GBF1: variants seen among roughly 807,000 people sequenced by gnomAD.
GBF1 encodes the protein Golgi-specific brefeldin A-resistance guanine nucleotide exchange factor 1.
GBF1 carries 114 observed loss-of-function variants against 210.5 expected under a neutral mutation model. The ratio of observed to expected loss-of-function variants is 0.54; its 90% CI spans 0.47 to 0.63. GBF1 has a LOEUF of 0.63. GBF1 is among the 30% of genes least tolerant of loss of function. GBF1 has a pLI of 0.00. For synonymous variants in GBF1, 850 were observed against 889.2 expected, an observed-to-expected ratio of 0.96 and a Z score of 0.78; for missense variants, 1,851 against 2,357.7, an observed-to-expected ratio of 0.79 and a Z score of 4.45.
rs766754616 is a variant in GBF1, at chr10:102,252,762, G to T, written c.-10-6167G>T. Among the ~76,000 whole-genome samples, 3 of 151,816 alleles carry T rather than the reference G, an allele frequency of 2.0e-5. No homozygotes were observed. The East Asian group carries it at 5.8e-4, about 29-fold the overall frequency. On this transcript the variant is annotated intron_variant, in intron 1 of 39. Coordinates refer to ENST00000369983, the MANE Select transcript of GBF1 (RefSeq NM_001377137.1). ...CTTGGGAGGCTGAGGTGGGAGGATCGCTTGAGCCTGGGAAGCAGATATTGC... is the reference window on the plus strand; with the variant it reads ...CTTGGGAGGCTGAGGTGGGAGGATCTCTTGAGCCTGGGAAGCAGATATTGC...
intron 3 of GBF1, among the ~76,000 whole-genome samples, chr10:102,288,732 A>C (rs546544548): frequency 2.7e-5 from 4 of 146,150 alleles, no homozygotes; most frequent in Admixed American, 6.9e-5. Context: ...GAAAAAAAAA[A>C]AAACAAAAAA....
chr10:102,376,768 T>G lies in GBF1; in HGVS notation c.4256T>G (p.Leu1419Arg). The G allele has an allele frequency of 6.2e-7, 1 of 1,609,254 alleles. No homozygotes were observed. The highest frequency in any genetic ancestry group is 8.5e-7 in the Non-Finnish European group (1 of 1,179,968). The stretch of plus-strand genomic sequence containing the variant: ...AACTTTGAGCTCTGCGTCAAGACTC[T>G]CCGGATCTTTGTGGAGGCCAGTCTG... ...PDNFELCVKT[L>R]RIFVEASLNG... is the part of the protein sequence containing the mutation. The change falls in exon 32 of 40, where the codon CTC (leucine) becomes CGC (arginine). Residue 1419 changes from leucine (L) to arginine (R), a missense_variant. Transcript: ENST00000369983.
intron 3 of GBF1, among the ~76,000 whole-genome samples, chr10:102,313,629 G>A (rs1345857950): frequency 6.6e-6 from 1 of 152,186 alleles, no homozygotes; most frequent in Non-Finnish European, 1.5e-5. Flanking sequence ...TCCTGTTGGA[G>A]AATGAACTGG....
chr10:102,326,076 G>A (rs565295641), intron 3 of GBF1, among the ~76,000 whole-genome samples: 10 of 152,308 alleles, frequency 6.6e-5, no homozygotes, highest in South Asian at 2.1e-4. Context: ...GCCTCATAAC[G>A]GAGTAGTGGC....
the GBF1 span, chr10:102,231,595 C>T: frequency 2.5e-6 from 4 of 1,599,062 alleles, no homozygotes; most frequent in East Asian, 2.3e-5. Context: ...TACCCGCACG[C>T]GGGCCTCGGT....
intron 3 of GBF1, among the ~76,000 whole-genome samples, chr10:102,317,477 G>A (rs2055918242): frequency 6.6e-6 from 1 of 152,086 alleles, no homozygotes; most frequent in Admixed American, 6.6e-5. Context: ...AATTAGCCAG[G>A]CATGGTGGCA....
In GBF1 at chr10:102,379,356, C is replaced by T; in HGVS notation, c.4567C>T (p.His1523Tyr). Residue 1523 changes from histidine to tyrosine, a missense_variant, in exon 34 of 40, where the codon CAC (histidine) becomes TAC (tyrosine). Around this residue, in one of 3 missense-constraint regions of GBF1, gnomAD observed 967 missense variants for 1,247.7 expected, o/e 0.78. Transcript: ENST00000369983. ...IYSSWAEEQR[H>Y]LETGGQKIEA... ...CAGCTCATGGGCGGAGGAGCAACGC[C>T]ACCTGGAGACAGGTGGCCAGAAGAT... The T allele has an allele frequency of 1.9e-6, 3 of 1,614,036 alleles. No homozygotes were observed. Among genetic ancestry groups the T allele is most frequent in the Non-Finnish European group, 1.7e-6 (2 of 1,179,964 alleles).
the GBF1 span, among the ~76,000 whole-genome samples, chr10:102,239,906 C>G: frequency 6.6e-6 from 1 of 152,214 alleles, no homozygotes; most frequent in Non-Finnish European, 1.5e-5. Context: ...GATATCCTTC[C>G]CAACCAGACT....
intron 3 of GBF1, among the ~76,000 whole-genome samples, chr10:102,324,939 C>T (rs2056762690): frequency 6.6e-6 from 1 of 152,088 alleles, no homozygotes; most frequent in Non-Finnish European, 1.5e-5. Context: ...AAAAACTTGC[C>T]TTATAGTATT....
chr10:102,257,348 A>G (rs1020451869), intron 1 of GBF1, among the ~76,000 whole-genome samples: 1 of 152,016 alleles, frequency 6.6e-6, no homozygotes, highest in Non-Finnish European at 1.5e-5. Context: ...TTGCTCTGTG[A>G]CCCAGGCTGG....
chr10:102,360,090 C>G (rs1366741087), intron 11 of GBF1, 94 bp from the exon 12 acceptor site: 3 of 797,490 alleles, frequency 3.8e-6, no homozygotes, highest in Admixed American at 1.7e-5. Flanking sequence ...GAATCACTTA[C>G]CTAAAATTGC....
chr10:102,287,124 A>G (rs1161668001), intron 3 of GBF1, among the ~76,000 whole-genome samples: 2 of 152,084 alleles, frequency 1.3e-5, no homozygotes, highest in African/African-American at 4.8e-5. Context: ...ATTCTTTCTC[A>G]ACCAGTAGAT....
chr10:102,319,788 A>T (rs1371140061), intron 3 of GBF1, among the ~76,000 whole-genome samples: 2 of 136,528 alleles, frequency 1.5e-5, no homozygotes, highest in African/African-American at 5.6e-5. Flanking sequence ...GAGTGCAGTG[A>T]TGTGATCTCG....
chr10:102,230,713 C>A, the GBF1 span: 1 of 1,547,240 alleles, frequency 6.5e-7, no homozygotes, highest in East Asian at 2.5e-5. Flanking sequence ...GGCATAAGGG[C>A]AGGACACGGC....
chr10:102,260,141 T>C, intron 3 of GBF1, 25 bp downstream of exon 3: 6 of 1,176,622 alleles, frequency 5.1e-6, no homozygotes, highest in Non-Finnish European at 7.6e-6. Context: ...GTATGTGGAT[T>C]ACTAATCTTG....
At chr10:102,357,511 A>T (rs1378949397) in intron 8 of GBF1, among the ~76,000 whole-genome samples, 1 of 151,854 alleles carries the variant, frequency 6.6e-6, no homozygotes, top group African/African-American at 2.4e-5. Context: ...AAATATGTTT[A>T]TGGCTTAGGC....
At position 102,352,489 on chromosome 10, in the gene GBF1, C is replaced by T. The variant is rs1038347944; in HGVS notation, c.555C>T (p.Leu185=). The part of the protein sequence containing the change: ...ELLRKSAEHT[L]VDMVQLLFTR... ...TGAGAAAATCCGCAGAGCACACTCT[C>T]GTAGACATGGTGCAGCTGCTCTTCA... is the stretch of plus-strand genomic sequence containing the variant. The change falls in exon 7 of 40, where the codon CTC becomes CTT. Residue 185 remains leucine (L), a synonymous_variant. Coordinates refer to ENST00000369983, the MANE Select transcript of GBF1 (RefSeq NM_001377137.1). 4.3e-6 allele frequency: 7 copies of T among 1,611,928 alleles called. No homozygotes were observed. Among genetic ancestry groups the T allele is most frequent in the Admixed American group, 1.7e-5 (1 of 60,018 alleles).
At chr10:102,240,419 G>A (rs995794901), upstream of GBF1, among the ~76,000 whole-genome samples, 7 of 152,204 alleles carry the variant, frequency 4.6e-5, no homozygotes, top group South Asian at 8.3e-4. Flanking sequence ...CTTTACTCTC[G>A]CTCCCTGCTC....
chr10:102,371,700 G>A (rs1027216137), intron 29 of GBF1, among the ~76,000 whole-genome samples: 8 of 152,274 alleles, frequency 5.3e-5, no homozygotes, highest in East Asian at 1.9e-4. Flanking sequence ...AGGCCACAGC[G>A]GGCAGATCAC....
Sources: allele counts gnomAD v4.1 joint callset (sites outside exome capture counted in the v4.1 genomes callset), GRCh38; gene constraint gnomAD v4.1.1; regional missense constraint gnomAD v4.1.1; transcripts MANE v1.5; gene names NCBI Gene and HGNC (gene_info 2026-07-23, HGNC 2026-07-21).